Variants in CSMD1 observed in about 807,000 individuals in gnomAD.
CSMD1 encodes CUB and Sushi multiple domains 1.
In CSMD1, 213 loss-of-function variants were observed where a neutral mutation model predicts 417.5. The observed-to-expected ratio is 0.51, with a 90% CI of 0.46 to 0.57. CSMD1 has a LOEUF of 0.57. CSMD1 is among the 20% of genes least tolerant of loss of function. CSMD1 has a pLI of 0.00. For synonymous variants in CSMD1, 2,862 were observed against 1,736.8 expected (o/e 1.65, Z -16.11); for missense variants, 6,923 against 4,529.7 (o/e 1.53, Z -15.17).
intron 3 of CSMD1, among the ~76,000 whole-genome samples, chr8:4,248,612 G>A (rs150002552): frequency 1.7e-4 from 26 of 152,150 alleles, no homozygotes; most frequent in African/African-American, 4.8e-4. Flanking sequence ...TGAACTTCTC[G>A]AAAAGACCTT....
chr8:3,785,016 T>C (rs1584993863), intron 5 of CSMD1, among the ~76,000 whole-genome samples: 1 of 152,192 alleles, frequency 6.6e-6, no homozygotes, highest in Non-Finnish European at 1.5e-5. Flanking sequence ...TAAACAGTTA[T>C]AAGTAGAGGG....
intron 6 of CSMD1, among the ~76,000 whole-genome samples, chr8:3,713,632 T>A (rs1247226877): frequency 6.6e-6 from 1 of 152,194 alleles, no homozygotes; most frequent in Non-Finnish European, 1.5e-5. Context: ...TTAGATAATA[T>A]GACTCACTGT....
chr8:4,148,660 G>C (rs961072624), intron 3 of CSMD1, among the ~76,000 whole-genome samples: 2 of 152,170 alleles, frequency 1.3e-5, no homozygotes, highest in African/African-American at 4.8e-5. Flanking sequence ...ATGGCAGAGA[G>C]AGGAGCGTGC....
At chr8:4,251,365 G>T (rs755355037) in intron 3 of CSMD1, among the ~76,000 whole-genome samples, 1 of 152,104 alleles carries the variant, frequency 6.6e-6, no homozygotes, top group African/African-American at 2.4e-5. Context: ...GAGTTTGGAA[G>T]GTTTTATTTA....
chr8:4,167,496 T>C (rs577208219), intron 3 of CSMD1, among the ~76,000 whole-genome samples: 3 of 152,268 alleles, frequency 2.0e-5, no homozygotes, highest in Admixed American at 6.5e-5. Flanking sequence ...ATTAAACCTA[T>C]AACATTTTCT....
At chr8:2,944,679 T>C (rs1331267499) in intron 68 of CSMD1, among the ~76,000 whole-genome samples, 1 of 152,098 alleles carries the variant, frequency 6.6e-6, no homozygotes, top group Non-Finnish European at 1.5e-5. Flanking sequence ...GTGCTCAATA[T>C]ATATTTGCAA....
chr8:4,451,955 TATAA>T (rs1164865376), intron 2 of CSMD1, among the ~76,000 whole-genome samples: 2 of 148,598 alleles, frequency 1.3e-5, no homozygotes, highest in African/African-American at 2.4e-5. Context: ...ATATATAATA[TATAA>T]ATATATATAA....
intron 7 of CSMD1, among the ~76,000 whole-genome samples, chr8:3,706,102 C>G (rs1244373829): frequency 2.6e-5 from 4 of 152,350 alleles, no homozygotes; most frequent in East Asian, 1.9e-4. Flanking sequence ...TGCCTACCTC[C>G]CCTACCGTTC....
intron 35 of CSMD1, among the ~76,000 whole-genome samples, chr8:3,188,589 G>A (rs1255818091): frequency 6.6e-6 from 1 of 151,906 alleles, no homozygotes; most frequent in Admixed American, 6.6e-5. Flanking sequence ...CTACATGCAT[G>A]AGCCAATGCA....
intron 51 of CSMD1, among the ~76,000 whole-genome samples, chr8:3,021,925 C>T (rs1809447108): frequency 7.7e-6 from 1 of 130,058 alleles, no homozygotes. Context: ...ATGCACAATC[C>T]CACAGCATCC....
At chr8:4,717,105 A>AT (rs1277583417) in intron 1 of CSMD1, among the ~76,000 whole-genome samples, 2 of 151,840 alleles carry the variant, frequency 1.3e-5, no homozygotes, top group Admixed American at 6.6e-5. Context: ...GAGAAAAACT[A>AT]TTTTTTTCTA....
intron 3 of CSMD1, among the ~76,000 whole-genome samples, chr8:4,403,003 T>C (rs897364994): frequency 1.3e-5 from 2 of 151,720 alleles, no homozygotes; most frequent in African/African-American, 4.8e-5. Context: ...TTTGTTGTTG[T>C]TGTTTTTTTA....
intron 7 of CSMD1, among the ~76,000 whole-genome samples, chr8:3,705,777 G>A (rs1801133478): frequency 6.6e-6 from 1 of 152,144 alleles, no homozygotes; most frequent in South Asian, 2.1e-4. Context: ...CTCAAGAACT[G>A]TGGTCTCCCA....
At chr8:3,070,230 C>G (rs1813242741) in intron 49 of CSMD1, among the ~76,000 whole-genome samples, 1 of 152,200 alleles carries the variant, frequency 6.6e-6, no homozygotes, top group African/African-American at 2.4e-5. Context: ...AATATTAGCA[C>G]TTAGCTCCCT....
At chr8:4,419,719 C>G (rs13250547) in intron 3 of CSMD1, among the ~76,000 whole-genome samples, 18,449 of 152,106 alleles carry the variant, frequency 0.12, 1,431 homozygotes, top group South Asian at 0.18. Flanking sequence ...CAAAACAAAA[C>G]CCCAAGAAGA....
intron 65 of CSMD1, among the ~76,000 whole-genome samples, chr8:2,952,550 AT>A (rs1802707628): frequency 6.6e-6 from 1 of 152,184 alleles, no homozygotes; most frequent in Admixed American, 6.5e-5. Flanking sequence ...TATCTAACAC[AT>A]TTGCTTATAA....
chr8:4,593,283 G>A (rs1020996926), intron 2 of CSMD1, among the ~76,000 whole-genome samples: 3 of 152,178 alleles, frequency 2.0e-5, no homozygotes, highest in Non-Finnish European at 2.9e-5. Context: ...TTCCCCATTT[G>A]TTCCCTCTCC....
At chr8:3,893,212 A>G (rs1390391672) in intron 5 of CSMD1, among the ~76,000 whole-genome samples, 4 of 151,606 alleles carry the variant, frequency 2.6e-5, no homozygotes, top group East Asian at 1.9e-4. Context: ...TAAAGTGACT[A>G]GAAACCTCTT....
At chr8:4,837,012 C>A (rs1234245880) in intron 1 of CSMD1, among the ~76,000 whole-genome samples, 3 of 149,336 alleles carry the variant, frequency 2.0e-5, no homozygotes, top group Non-Finnish European at 4.4e-5. Flanking sequence ...GAAGACAGGG[C>A]TCTGGCCTTG....
Sources: allele counts gnomAD v4.1 joint callset (sites outside exome capture counted in the v4.1 genomes callset), GRCh38; gene constraint gnomAD v4.1.1; transcripts MANE v1.5; gene names NCBI Gene and HGNC (gene_info 2026-07-23, HGNC 2026-07-21).